Variants in SLC71A2 observed in about 807,000 individuals in gnomAD.
The protein encoded by SLC71A2 is hippocampus abundant transcript-like 1.
At chr9:94,417,408 G>A in the SLC71A2 span, among the ~76,000 whole-genome samples, 17 of 152,232 alleles carry the variant, frequency 1.1e-4, no homozygotes, top group South Asian at 2.3e-3. Context: ...CAGGTGGATC[G>A]CTTGAGGATG....
At chr9:94,452,078 T>C in the SLC71A2 span, among the ~76,000 whole-genome samples, 6 of 152,250 alleles carry the variant, frequency 3.9e-5, no homozygotes, top group African/African-American at 1.4e-4. Context: ...TTTAGAATAT[T>C]TGTCGTAACC....
chr9:94,431,430 ATATT>A, the SLC71A2 span, among the ~76,000 whole-genome samples: 4 of 151,670 alleles, frequency 2.6e-5, no homozygotes, highest in South Asian at 2.1e-4. Context: ...TTAATAAATC[ATATT>A]TATTATTTGC....
the SLC71A2 span, among the ~76,000 whole-genome samples, chr9:94,420,837 T>C: frequency 1.3e-5 from 2 of 152,086 alleles, no homozygotes; most frequent in Admixed American, 1.3e-4. Context: ...AGGCAGTGAT[T>C]GTGGTGAGCC....
the SLC71A2 span, among the ~76,000 whole-genome samples, chr9:94,429,822 T>C: frequency 6.6e-6 from 1 of 152,130 alleles, no homozygotes; most frequent in Non-Finnish European, 1.5e-5. Context: ...GCTTTTATTA[T>C]TATTTTTGCA....
the SLC71A2 span, chr9:94,444,901 G>A: frequency 6.7e-7 from 1 of 1,491,484 alleles, no homozygotes; most frequent in South Asian, 1.1e-5. Context: ...ACCTGGGTAA[G>A]GATATGCTTT....
At chr9:94,432,286 A>G in the SLC71A2 span, among the ~76,000 whole-genome samples, 1 of 151,836 alleles carries the variant, frequency 6.6e-6, no homozygotes, top group Non-Finnish European at 1.5e-5. Context: ...TGATCACCTG[A>G]GGTTGGGAGT....
At chr9:94,383,151 G>A in the SLC71A2 span, among the ~76,000 whole-genome samples, 24 of 138,858 alleles carry the variant, frequency 1.7e-4, no homozygotes, top group African/African-American at 6.0e-4. Context: ...TCATTGAATA[G>A]CTTTTACATC....
the SLC71A2 span, among the ~76,000 whole-genome samples, chr9:94,453,620 T>G: frequency 6.6e-6 from 1 of 152,222 alleles, no homozygotes; most frequent in Non-Finnish European, 1.5e-5. Context: ...CACAGATATT[T>G]AAGTGATTAG....
At chr9:94,384,423 C>T in the SLC71A2 span, among the ~76,000 whole-genome samples, 2 of 150,714 alleles carry the variant, frequency 1.3e-5, no homozygotes, top group Non-Finnish European at 2.9e-5. Flanking sequence ...AGTGGAGCCT[C>T]GACCTCCCCA....
the SLC71A2 span, among the ~76,000 whole-genome samples, chr9:94,435,137 C>G: frequency 6.6e-5 from 10 of 152,182 alleles, no homozygotes; most frequent in Non-Finnish European, 1.3e-4. Context: ...TAAAGCGTGC[C>G]CTCTTTTTAC....
At chr9:94,453,894 A>G in the SLC71A2 span, 15 of 1,119,152 alleles carry the variant, frequency 1.3e-5, no homozygotes, top group East Asian at 3.5e-4. Context: ...CTTCACACAC[A>G]GAGCTTGTAT....
chr9:94,383,265 C>T, the SLC71A2 span, among the ~76,000 whole-genome samples: 1 of 146,662 alleles, frequency 6.8e-6, no homozygotes, highest in African/African-American at 2.5e-5. Flanking sequence ...CAGGTTCAAG[C>T]GATTCTCCTG....
At chr9:94,456,422 T>C in the SLC71A2 span, 4 of 1,048,144 alleles carry the variant, frequency 3.8e-6, no homozygotes, top group Non-Finnish European at 6.0e-6. Context: ...GTTCTCCCCA[T>C]CAACAGCAGG....
At chr9:94,421,033 C>T in the SLC71A2 span, among the ~76,000 whole-genome samples, 1 of 151,744 alleles carries the variant, frequency 6.6e-6, no homozygotes, top group Non-Finnish European at 1.5e-5. Context: ...ACTTTATGCA[C>T]TTTTCAATTT....
At chr9:94,420,007 G>C in the SLC71A2 span, among the ~76,000 whole-genome samples, 1 of 152,154 alleles carries the variant, frequency 6.6e-6, no homozygotes, top group Non-Finnish European at 1.5e-5. Flanking sequence ...ATGTGAGCTG[G>C]AAGTGCATTC....
chr9:94,424,727 CTTTTTT>C, the SLC71A2 span, among the ~76,000 whole-genome samples: 25,703 of 91,962 alleles, frequency 0.28, 1,814 homozygotes, highest in Admixed American at 0.41. Flanking sequence ...TTGTTTTCTG[CTTTTTT>C]TTTTTTTTTT....
At chr9:94,440,945 A>G in the SLC71A2 span, 2 of 1,249,850 alleles carry the variant, frequency 1.6e-6, no homozygotes, top group Non-Finnish European at 2.3e-6. Flanking sequence ...GTGAACATAC[A>G]CTCCCTTTCC....
At chr9:94,417,365 C>T in the SLC71A2 span, among the ~76,000 whole-genome samples, 41 of 152,284 alleles carry the variant, frequency 2.7e-4, no homozygotes, top group East Asian at 4.2e-3. Flanking sequence ...CGGAGGCTCA[C>T]GCCTGTAATC....
chr9:94,399,675 T>C, the SLC71A2 span, among the ~76,000 whole-genome samples: 2 of 152,216 alleles, frequency 1.3e-5, no homozygotes, highest in Non-Finnish European at 2.9e-5. Flanking sequence ...TAATCTTTAT[T>C]TCCATGGGGT....
Sources: allele counts gnomAD v4.1 joint callset (sites outside exome capture counted in the v4.1 genomes callset), GRCh38; gene constraint gnomAD v4.1.1; transcripts MANE v1.5; gene names NCBI Gene and HGNC (gene_info 2026-07-23, HGNC 2026-07-21).